Variants in C6 observed in about 807,000 individuals in gnomAD.
C6 encodes complement component C6.
A neutral mutation model predicts 112.9 loss-of-function variants in C6; 101 were observed. The observed-to-expected ratio is 0.89, with a 90% CI of 0.76 to 1.06. The LOEUF (loss-of-function observed/expected upper bound fraction) is 1.06, where lower values mean the gene tolerates loss of function less well. Among genes scored for constraint, C6 ranks in the 50% least tolerant of loss-of-function variants. C6 has a pLI of 0.00. For synonymous variants in C6, 431 were observed against 384.1 expected, an observed-to-expected ratio of 1.12 and a Z score of -1.43; for missense variants, 1,202 against 1,104.6, an observed-to-expected ratio of 1.09 and a Z score of -1.25.
chr5:41,217,847 A>G (rs1007079521), upstream of C6, among the ~76,000 whole-genome samples: 7 of 152,222 alleles, frequency 4.6e-5, no homozygotes, highest in East Asian at 1.4e-3. Flanking sequence ...AGTCAGATGA[A>G]TTGTACCTAG....
intron 7 of C6, among the ~76,000 whole-genome samples, chr5:41,178,984 G>C (rs1006676966): frequency 9.2e-5 from 14 of 152,136 alleles, no homozygotes; most frequent in African/African-American, 3.4e-4. Flanking sequence ...CTCCTGAGTA[G>C]CTGGGATCAC....
At chr5:41,185,274 C>T (rs569763501) in intron 6 of C6, among the ~76,000 whole-genome samples, 1 of 152,224 alleles carries the variant, frequency 6.6e-6, no homozygotes, top group East Asian at 1.9e-4. Flanking sequence ...TGGAAAATGC[C>T]TGTATTTATA....
chr5:41,154,048 A>T (rs4957374), intron 14 of C6, 50 bp from the exon 15 acceptor site: 1 of 1,566,534 alleles, frequency 6.4e-7, no homozygotes, highest in African/African-American at 1.4e-5. Flanking sequence ...GAATAAACAA[A>T]AAATTTAGGC....
intron 1 of C6, among the ~76,000 whole-genome samples, chr5:41,234,924 T>C (rs1277082998): frequency 6.6e-6 from 1 of 152,104 alleles, no homozygotes; most frequent in Non-Finnish European, 1.5e-5. Flanking sequence ...CTTTATTAAT[T>C]TGTAGTTTGA....
chr5:41,261,411 A>G (rs1742041537), exon 1 of C6: 1 of 159,988 alleles, frequency 6.3e-6, no homozygotes, highest in Non-Finnish European at 1.3e-5. Flanking sequence ...GAAGACATAC[A>G]AAATTAAGAG....
At chr5:41,202,241 A>G (rs987673023) in intron 2 of C6, among the ~76,000 whole-genome samples, 31 of 152,208 alleles carry the variant, frequency 2.0e-4, no homozygotes, top group African/African-American at 7.2e-4. Context: ...AGGAAGCGAC[A>G]TGTGCAAAGA....
At chr5:41,223,247 C>T (rs1255043780) in intron 1 of C6, among the ~76,000 whole-genome samples, 1 of 152,106 alleles carries the variant, frequency 6.6e-6, no homozygotes, top group Non-Finnish European at 1.5e-5. Context: ...AAAGAAAGCA[C>T]CAGATAATTA....
chr5:41,148,422 C>A (rs762948117), intron 17 of C6, among the ~76,000 whole-genome samples: 1 of 152,164 alleles, frequency 6.6e-6, no homozygotes, highest in African/African-American at 2.4e-5. Context: ...CTGAAATGTT[C>A]AAGACCCAGG....
intron 1 of C6, among the ~76,000 whole-genome samples, chr5:41,205,638 G>A (rs1751377002): frequency 6.6e-6 from 1 of 152,352 alleles, no homozygotes; most frequent in African/African-American, 2.4e-5. Context: ...ACAGCAGTCT[G>A]AGATCAAACT....
chr5:41,228,725 G>A (rs1290517927), intron 1 of C6, among the ~76,000 whole-genome samples: 1 of 151,982 alleles, frequency 6.6e-6, no homozygotes, highest in Non-Finnish European at 1.5e-5. Context: ...TATGGTTTTT[G>A]TTTTTCCTTA....
At chr5:41,143,163 TA>T (rs928801575) in intron 17 of C6, among the ~76,000 whole-genome samples, 157 bp from the exon 18 acceptor site, 25 of 152,002 alleles carry the variant, frequency 1.6e-4, no homozygotes, top group Non-Finnish European at 3.2e-4. Flanking sequence ...AAATAAAAAT[TA>T]AAAACAAAAC....
chr5:41,156,126 C>A (rs1037985082), intron 13 of C6, among the ~76,000 whole-genome samples: 1 of 152,104 alleles, frequency 6.6e-6, no homozygotes, highest in African/African-American at 2.4e-5. Flanking sequence ...TCACCTCCTG[C>A]CATTTCCTCC....
At chr5:41,199,738 G>A in intron 4 of C6, 30 bp downstream of exon 4, 1 of 1,607,646 alleles carries the variant, frequency 6.2e-7, no homozygotes, top group African/African-American at 1.3e-5. Context: ...ATTTTTAGTG[G>A]GGACTGAACA....
chr5:41,144,751 T>G (rs72753965), intron 17 of C6, among the ~76,000 whole-genome samples: 45,875 of 152,010 alleles, frequency 0.3, 7,031 homozygotes, highest in South Asian at 0.38. Flanking sequence ...CTATCCACCC[T>G]CAAGTCGGCC....
intron 7 of C6, among the ~76,000 whole-genome samples, chr5:41,179,730 G>T (rs1450434677): frequency 1.3e-5 from 2 of 148,738 alleles, no homozygotes; most frequent in African/African-American, 4.9e-5. Flanking sequence ...TACATAAAAT[G>T]AATCTATTTC....
At chr5:41,220,005 G>T (rs1580217846) in intron 1 of C6, among the ~76,000 whole-genome samples, 1 of 152,126 alleles carries the variant, frequency 6.6e-6, no homozygotes, top group South Asian at 2.1e-4. Context: ...AAATTGAAAA[G>T]TGTTTGAGGT....
chr5:41,228,206 TA>T (rs1739649282), intron 1 of C6, among the ~76,000 whole-genome samples: 1 of 152,120 alleles, frequency 6.6e-6, no homozygotes, highest in African/African-American at 2.4e-5. Context: ...TTCATTCCTT[TA>T]TTTTTGTGGT....
chr5:41,233,686 A>T (rs985513524), intron 1 of C6, among the ~76,000 whole-genome samples: 4 of 151,464 alleles, frequency 2.6e-5, no homozygotes, highest in African/African-American at 9.7e-5. Context: ...GAACAAAAAA[A>T]TAATTGTAGT....
chr5:41,213,290 T>G (rs1330547699), intron 1 of C6, 86 bp downstream of exon 1: 1 of 453,514 alleles, frequency 2.2e-6, no homozygotes, highest in African/African-American at 2.1e-5. Context: ...TTACATATTT[T>G]TATGCATGAA....
Sources: gnomAD v4.1 joint callset for allele counts (sites outside exome capture counted in the v4.1 genomes callset) on GRCh38, gnomAD v4.1.1 for gene constraint, MANE v1.5 for transcripts, NCBI Gene and HGNC (gene_info 2026-07-23, HGNC 2026-07-21) for gene names.